KCTD20: variants seen among roughly 807,000 people sequenced by gnomAD.
The protein encoded by KCTD20 is potassium channel tetramerization domain containing 20, also known as BTB/POZ domain-containing protein KCTD20.
Under a neutral mutation model 39.6 loss-of-function variants are expected in KCTD20, and 30 were observed. The ratio of observed to expected loss-of-function variants is 0.76; its 90% CI spans 0.57 to 1.03. The LOEUF is 1.03. Ranked by LOEUF, KCTD20 falls within the 50% of genes least tolerant of loss-of-function variation. The pLI, the probability that KCTD20 is intolerant of heterozygous loss-of-function variation, is 0.00. For synonymous variants in KCTD20, 162 were observed against 180.6 expected (o/e 0.90, Z 0.83); for missense variants, 422 against 522.0 (o/e 0.81, Z 1.87).
At chr6:36,483,582 A>G (rs1019187292) in intron 6 of KCTD20, among the ~76,000 whole-genome samples, 1 of 151,980 alleles carries the variant, frequency 6.6e-6, no homozygotes, top group Non-Finnish European at 1.5e-5. Context: ...TGGTGCAATC[A>G]TGGCTCACTG....
At position 36,481,669 on chromosome 6, in the gene KCTD20, C is replaced by T. The variant is rs1447196047; in HGVS notation, c.766C>T (p.Arg256Ter). The T allele has an allele frequency of 5.0e-6, 8 of 1,614,172 alleles. 1 individual carries two copies. The highest frequency in any genetic ancestry group is 3.3e-5 in the South Asian group (3 of 91,078). ...GGTGGGCTGTGCCAAGAAAGGAGAA[C>T]GAGAGTGCCACATTGTTGTGCTGAC... ...IMVGCAKKGE[R>*]ECHIVVLTDE... Residue 256 changes from arginine to a stop codon, truncating the protein, a stop_gained, in exon 6 of 8, where the codon CGA becomes TGA. Transcript: ENST00000373731. LOFTEE classifies it high-confidence loss of function.
At chr6:36,483,269 T>TTTC (rs1277418567) in intron 6 of KCTD20, among the ~76,000 whole-genome samples, 2 of 146,864 alleles carry the variant, frequency 1.4e-5, no homozygotes, top group East Asian at 3.9e-4. Flanking sequence ...TTTTCTTTTT[T>TTTC]TTTTTTTTTT....
intron 1 of KCTD20, among the ~76,000 whole-genome samples, chr6:36,466,323 A>C (rs1423977980): frequency 3.3e-5 from 5 of 151,670 alleles, no homozygotes; most frequent in African/African-American, 9.7e-5. Flanking sequence ...TCAGCCTCCC[A>C]AAGGGCTGGG....
At chr6:36,482,945 C>CAAAAA (rs1193405719) in intron 6 of KCTD20, among the ~76,000 whole-genome samples, 1 of 82,434 alleles carries the variant, frequency 1.2e-5, no homozygotes, top group African/African-American at 4.5e-5. Flanking sequence ...GACTACGTCT[C>CAAAAA]AAAAAAAAAA....
At chr6:36,485,314 CAA>C (rs549109044) in intron 7 of KCTD20, among the ~76,000 whole-genome samples, 6 of 135,012 alleles carry the variant, frequency 4.4e-5, no homozygotes, top group Non-Finnish European at 9.7e-5. Flanking sequence ...AACTTCATCT[CAA>C]AAAAAAAAAA....
chr6:36,464,886 A>C (rs961430079), intron 1 of KCTD20, among the ~76,000 whole-genome samples: 1 of 152,184 alleles, frequency 6.6e-6, no homozygotes, highest in African/African-American at 2.4e-5. Context: ...AGGGCAGATT[A>C]GCTTATTTAC....
At position 36,478,101 on chromosome 6, in the gene KCTD20, A is replaced by AAAAAAAAAAAG. The variant is rs112536319; in HGVS notation, c.435-1016_435-1015insAAAAAAGAAAA. 6.0e-4 allele frequency among the ~76,000 whole-genome samples: 88 copies of AAAAAAAAAAAG among 145,766 alleles called. 2 individuals carry two copies. Among genetic ancestry groups the AAAAAAAAAAAG allele is most frequent in the African/African-American group, 1.8e-3 (69 of 38,734 alleles). On this transcript the variant is annotated intron_variant, in intron 3 of 7. Transcript: ENST00000373731. ...CAGAGCGAAACTCCATCTCAAAAAA[A>AAAAAAAAAAAG]AAAAGAAAAGAAAAGCAGCCAGTTC...
intron 1 of KCTD20, among the ~76,000 whole-genome samples, chr6:36,467,734 C>T (rs1775804053): frequency 6.6e-6 from 1 of 152,088 alleles, no homozygotes; most frequent in African/African-American, 2.4e-5. Context: ...ACGCTCTGAT[C>T]TTACTCGTCA....
At chr6:36,444,543 C>T (rs1363022445) in intron 1 of KCTD20, among the ~76,000 whole-genome samples, 1 of 152,056 alleles carries the variant, frequency 6.6e-6, no homozygotes, top group Non-Finnish European at 1.5e-5. Flanking sequence ...GCCCAGCTCA[C>T]TCAAGTCTCC....
chr6:36,489,813 A>C lies in KCTD20; in HGVS notation c.*2638A>C, dbSNP rs1222930543. On this transcript the variant is annotated 3_prime_UTR_variant, in exon 8 of 8. Coordinates refer to ENST00000373731, the MANE Select transcript of KCTD20 (RefSeq NM_173562.5). Reference sequence around the variant, plus strand: ...CAAGCCAAGATTAACCCGAATCTGAAGTTTAGAATCTTGAGTTTGCATCTG... The same window carrying C: ...CAAGCCAAGATTAACCCGAATCTGACGTTTAGAATCTTGAGTTTGCATCTG... The C allele has an allele frequency of 6.6e-6, 1 of 152,202 alleles. No individual in the cohort carries two copies. Among genetic ancestry groups the C allele is most frequent in the East Asian group, 1.9e-4 (1 of 5,202 alleles). The allele number at this position is 152,202 out of a possible 1,614,324, so 9.4% of individuals were successfully genotyped here. A position where few individuals can be genotyped will look rare whatever the true frequency, so the allele number is the denominator to read the frequency against.
chr6:36,447,702 T>A (rs933864981), intron 1 of KCTD20, among the ~76,000 whole-genome samples: 1 of 151,840 alleles, frequency 6.6e-6, no homozygotes, highest in Non-Finnish European at 1.5e-5. Flanking sequence ...ATTTATAATT[T>A]ATTTCATGGT....
At chr6:36,471,051 T>G (rs1775895885) in intron 2 of KCTD20, among the ~76,000 whole-genome samples, 1 of 151,288 alleles carries the variant, frequency 6.6e-6, no homozygotes, top group African/African-American at 2.4e-5. Flanking sequence ...CTTGGGAGTA[T>G]GAGGCACAAG....
intron 1 of KCTD20, chr6:36,452,634 C>T (rs1415721779): frequency 6.6e-6 from 1 of 151,540 alleles, no homozygotes; most frequent in Non-Finnish European, 1.5e-5. Flanking sequence ...CCTCCGCTTC[C>T]CGAAGCGATT....
At chr6:36,443,719 T>C (rs1774946800) in intron 1 of KCTD20, 1 of 152,260 alleles carries the variant, frequency 6.6e-6, no homozygotes, top group Non-Finnish European at 1.5e-5. Context: ...TTGCTTTTTA[T>C]AGCAGTGTCT....
chr6:36,465,296 CAAA>C (rs143652568), intron 1 of KCTD20, among the ~76,000 whole-genome samples: 1 of 83,194 alleles, frequency 1.2e-5, no homozygotes. Context: ...GATTCCGTCT[CAAA>C]AAAAAAAAAA....
At chr6:36,472,262 G>A (rs964858244) in intron 2 of KCTD20, among the ~76,000 whole-genome samples, 8 of 152,194 alleles carry the variant, frequency 5.3e-5, no homozygotes, top group African/African-American at 1.9e-4. Flanking sequence ...ACCTGGAAGC[G>A]TAGCTTTTGG....
chr6:36,469,678 A>G lies in KCTD20; in HGVS notation c.-46-374A>G, dbSNP rs1416428697. 1.3e-5 allele frequency among the ~76,000 whole-genome samples: 2 copies of G among 152,204 alleles called. No homozygotes were observed. Among genetic ancestry groups the G allele is most frequent in the African/African-American group, 2.4e-5 (1 of 41,450 alleles). On this transcript the variant is annotated intron_variant, in intron 1 of 7. Transcript: ENST00000373731. This position sits in a 1 kb window ranked among gnomAD's most constrained non-coding sequence, Gnocchi z 4.6. ...GTGTATGTGTCAATTTTAAAAAAAC[A>G]TAGGTTTTCTTTAGTTGAAAAGTTG...
rs1389451723 is a variant in KCTD20, at chr6:36,489,454, G to A, written c.*2279G>A. The A allele has an allele frequency of 6.6e-6, 1 of 152,152 alleles. No homozygotes were observed. Among genetic ancestry groups the A allele is most frequent in the Non-Finnish European group, 1.5e-5 (1 of 68,030 alleles). 9.4% of individuals were successfully genotyped at this position (152,152 alleles called of 1,614,324 possible). A position where few individuals can be genotyped will look rare whatever the true frequency, so the allele number is the denominator to read the frequency against. ...GTAAGCTGGAAATCTGTGACGGTAG[G>A]CTTTCTAGTGTCACGAGGTGGTGGT... On this transcript the variant is annotated 3_prime_UTR_variant, in exon 8 of 8. Transcript: ENST00000373731.
At chr6:36,479,311 C>T (rs901121845) in intron 4 of KCTD20, 88 bp downstream of exon 4, 2 of 949,310 alleles carry the variant, frequency 2.1e-6, no homozygotes, top group African/African-American at 3.3e-5. Context: ...ATGTTATTGA[C>T]TTTAGGGTCT....
Sources: gnomAD v4.1 joint callset for allele counts (sites outside exome capture counted in the v4.1 genomes callset) on GRCh38, gnomAD v4.1.1 for gene constraint, Gnocchi (gnomAD v3.1) non-coding constraint, MANE v1.5 for transcripts, NCBI Gene and HGNC (gene_info 2026-07-23, HGNC 2026-07-21) for gene names.